SDC1: variants seen among roughly 807,000 people sequenced by gnomAD.
SDC1 encodes syndecan 1, also known as syndecan-1.
A neutral mutation model predicts 29.7 loss-of-function variants in SDC1; 14 were observed. The ratio of observed to expected loss-of-function variants is 0.47; its 90% CI spans 0.31 to 0.74. The LOEUF (loss-of-function observed/expected upper bound fraction) is 0.74, where lower values mean the gene tolerates loss of function less well. Ranked by LOEUF, SDC1 falls within the 30% of genes least tolerant of loss-of-function variation. SDC1 has a pLI of 0.05. For synonymous variants in SDC1, 204 were observed against 175.5 expected (o/e 1.16, Z -1.29); for missense variants, 406 against 400.3 (o/e 1.01, Z -0.12).
At chr2:20,212,783 G>A (rs144557580) in intron 1 of SDC1, among the ~76,000 whole-genome samples, 176 of 152,158 alleles carry the variant, frequency 1.2e-3, no homozygotes, top group Non-Finnish European at 1.9e-3. Context: ...TCTGAGAGGA[G>A]GAGCACCTTT....
At chr2:20,211,640 G>T (rs796574646) in intron 1 of SDC1, among the ~76,000 whole-genome samples, 3 of 152,228 alleles carry the variant, frequency 2.0e-5, no homozygotes, top group African/African-American at 4.8e-5. Flanking sequence ...GACCCAGCAG[G>T]GCTGAGCAGA....
intron 1 of SDC1, among the ~76,000 whole-genome samples, chr2:20,223,865 C>A (rs1215585449): frequency 1.3e-5 from 2 of 152,214 alleles, no homozygotes; most frequent in Non-Finnish European, 2.9e-5. Context: ...GTCAGCCCCG[C>A]TGAAGGTGGA....
At chr2:20,223,233 G>C (rs531460168) in intron 1 of SDC1, 233 of 1,301,480 alleles carry the variant, frequency 1.8e-4, no homozygotes, top group Non-Finnish European at 2.3e-4. Context: ...TTTACACATC[G>C]GTCTCAGAAA....
intron 1 of SDC1, among the ~76,000 whole-genome samples, chr2:20,206,850 G>GCACCCACAAACAGTGGC (rs1454740159): frequency 6.6e-6 from 1 of 152,262 alleles, no homozygotes; most frequent in Non-Finnish European, 1.5e-5. Context: ...CACCCAGTGG[G>GCACCCACAAACAGTGGC]CACCCACAAA....
At chr2:20,223,945 A>G (rs763781341) in intron 1 of SDC1, among the ~76,000 whole-genome samples, 25 of 152,008 alleles carry the variant, frequency 1.6e-4, no homozygotes, top group Non-Finnish European at 2.9e-4. Context: ...TCCCAGCTGC[A>G]CTGGGCGGGC....
At chr2:20,223,861 C>G (rs1188930326) in intron 1 of SDC1, among the ~76,000 whole-genome samples, 1 of 152,206 alleles carries the variant, frequency 6.6e-6, no homozygotes, top group African/African-American at 2.4e-5. Flanking sequence ...GAGCGTCAGC[C>G]CCGCTGAAGG....
At chr2:20,217,377 G>C (rs186503629) in intron 1 of SDC1, among the ~76,000 whole-genome samples, 148 of 152,290 alleles carry the variant, frequency 9.7e-4, no homozygotes, top group Non-Finnish European at 1.7e-3. Flanking sequence ...TTTAGATCTG[G>C]TCAAGCCAGA....
At chr2:20,223,468 T>G in intron 1 of SDC1, 1 of 363,548 alleles carries the variant, frequency 2.8e-6, no homozygotes, top group South Asian at 2.1e-5. Context: ...GAAGTCGAAC[T>G]GTCCAGATGT....
rs989332117 is a variant in SDC1 at position 20,214,525 on chromosome 2, C to T, written c.67-9101G>A. Reference sequence around the variant, plus strand: ...GCCCCAGGTCAAGTGGCTTGCCCTCCCTCTGATGGGCTGGCAGATCTGCAC... The same window carrying T: ...GCCCCAGGTCAAGTGGCTTGCCCTCTCTCTGATGGGCTGGCAGATCTGCAC... On this transcript the variant is annotated intron_variant, in intron 1 of 4. Transcript: ENST00000254351. 7.2e-5 allele frequency among the ~76,000 whole-genome samples: 11 copies of T among 152,284 alleles called. No homozygotes were observed. In the East Asian group the frequency reaches 2.1e-3, roughly 29 times the overall value.
At chr2:20,204,431 C>A in intron 2 of SDC1, 140 bp from the exon 3 acceptor site, 1 of 660,602 alleles carries the variant, frequency 1.5e-6, no homozygotes. Flanking sequence ...AGTACCTGGA[C>A]AAGGCAGCTG....
At chr2:20,222,027 G>A (rs1292026679) in intron 1 of SDC1, among the ~76,000 whole-genome samples, 4 of 152,114 alleles carry the variant, frequency 2.6e-5, no homozygotes, top group Non-Finnish European at 5.9e-5. Context: ...ATGAAAAATA[G>A]CAAATAACTA....
In SDC1 at chr2:20,203,086, C is replaced by T. The variant is rs779790144; in HGVS notation, c.763+1G>A. ...AACTACCCCCCTGAAAGAAAACTCA[C>T]CTCCCAGCACCTCTTTCCTGTCCAG... is the stretch of plus-strand genomic sequence containing the variant. On this transcript the variant is annotated splice_donor_variant, in intron 4 of 4. Coordinates refer to ENST00000254351, the MANE Select transcript of SDC1 (RefSeq NM_002997.5). LOFTEE classifies it high-confidence loss of function. 2 of 1,593,478 alleles carry T rather than the reference C, an allele frequency of 1.3e-6. No individual in the cohort carries two copies. Among genetic ancestry groups the T allele is most frequent in the Non-Finnish European group, 1.7e-6 (2 of 1,166,150 alleles).
In SDC1 at chr2:20,202,802, G is replaced by A; in HGVS notation, c.897C>T (p.Tyr299=). The change falls in exon 5 of 5, where the codon TAC becomes TAT. Residue 299 remains tyrosine, a synonymous_variant. Coordinates refer to ENST00000254351, the MANE Select transcript of SDC1 (RefSeq NM_002997.5). ...EEPKQANGGA[Y]QKPTKQEEFY... ...ATTCCTCCTGTTTGGTGGGCTTCTG[G>A]TAGGCCCCGCCGTTGGCTTGTTTCG... 10 of 1,612,652 alleles carry A rather than the reference G, an allele frequency of 6.2e-6. No homozygotes were observed. The highest frequency in any genetic ancestry group is 2.2e-5 in the East Asian group (1 of 44,858).
rs376775496 is a variant in SDC1, at chr2:20,203,991, G to A, written c.449C>T (p.Thr150Ile). 1.9e-6 allele frequency: 3 copies of A among 1,613,838 alleles called. No homozygotes were observed. The highest frequency in any genetic ancestry group is 2.5e-6 in the Non-Finnish European group (3 of 1,180,020). ...CTGCATGTCCCTGTGGGGGTGGGAG[G>A]TGGCGGGCTCCTGGGCCGTGGTGGC... ...TTATTAQEPATSHPHRDMQPG... is the reference protein window; with the variant it reads ...TTATTAQEPAISHPHRDMQPG... The change falls in exon 3 of 5, where the codon ACC (threonine) becomes ATC (isoleucine). Residue 150 changes from threonine to isoleucine, a missense_variant. Physicochemically the swap from Thr to Ile is moderately conservative, Grantham distance 89. Coordinates refer to ENST00000254351, the MANE Select transcript of SDC1 (RefSeq NM_002997.5).
intron 1 of SDC1, among the ~76,000 whole-genome samples, chr2:20,222,366 G>C (rs1054017449): frequency 6.6e-6 from 1 of 152,200 alleles, no homozygotes; most frequent in African/African-American, 2.4e-5. Context: ...TTTTAGGAAA[G>C]GGGTATCAGA....
intron 1 of SDC1, among the ~76,000 whole-genome samples, chr2:20,209,465 C>T (rs1178855236): frequency 6.6e-6 from 1 of 152,216 alleles, no homozygotes; most frequent in Non-Finnish European, 1.5e-5. Context: ...GATGGAGTTT[C>T]ACTGAGCTGG....
chr2:20,215,954 C>A (rs917734193), intron 1 of SDC1, among the ~76,000 whole-genome samples: 1 of 152,260 alleles, frequency 6.6e-6, no homozygotes, highest in Non-Finnish European at 1.5e-5. Flanking sequence ...GGCCTTCAGG[C>A]TCAGGTGACT....
intron 1 of SDC1, among the ~76,000 whole-genome samples, chr2:20,205,950 T>C: frequency 6.6e-6 from 1 of 152,094 alleles, no homozygotes; most frequent in Non-Finnish European, 1.5e-5. Flanking sequence ...CCCCCAGGTG[T>C]GGATACCGAG....
At position 20,204,108 on chromosome 2, in the gene SDC1, T is replaced by A. The variant is rs1157039507; in HGVS notation, c.332A>T (p.Glu111Val). 6.2e-7 allele frequency: 1 copy of A among 1,607,302 alleles called. No individual in the cohort carries two copies. Among genetic ancestry groups the A allele is most frequent in the East Asian group, 2.2e-5 (1 of 44,844 alleles). ...EGEAVVLPEV[E>V]PGLTAREQEA... ...CTGCTCCCGGGCGGTGAGGCCAGGCTCCACTTCTGGCAGGACTACAGCCTC... is the reference window on the plus strand; with the variant it reads ...CTGCTCCCGGGCGGTGAGGCCAGGCACCACTTCTGGCAGGACTACAGCCTC... Residue 111 changes from glutamate (E) to valine (V), a missense_variant, in exon 3 of 5, where the codon GAG (glutamate) becomes GTG (valine). Physicochemically the swap from Glu to Val is moderately radical, Grantham distance 121. Transcript: ENST00000254351.
Sources: allele counts gnomAD v4.1 joint callset (sites outside exome capture counted in the v4.1 genomes callset), GRCh38; gene constraint gnomAD v4.1.1; transcripts MANE v1.5; gene names NCBI Gene and HGNC (gene_info 2026-07-23, HGNC 2026-07-21).